Variants in PPARGC1A observed in about 807,000 individuals in gnomAD.
PPARGC1A encodes the protein PPARG coactivator 1 alpha.
A neutral mutation model predicts 88.7 loss-of-function variants in PPARGC1A; 25 were observed. The observed-to-expected ratio is 0.28, with a 90% CI of 0.21 to 0.39. PPARGC1A has a LOEUF of 0.39. PPARGC1A is among the 10% of genes least tolerant of loss of function. The pLI is 1.00. For synonymous variants in PPARGC1A, 363 were observed against 355.6 expected (o/e 1.02, Z -0.24); for missense variants, 880 against 968.7 (o/e 0.91, Z 1.22).
At chr4:24,050,648 G>A in the PPARGC1A span, among the ~76,000 whole-genome samples, 1 of 152,086 alleles carries the variant, frequency 6.6e-6, no homozygotes, top group Non-Finnish European at 1.5e-5. Flanking sequence ...TTCTTCACAT[G>A]AAGTGGCCAA....
At chr4:23,900,421 T>G (rs1719197331), upstream of PPARGC1A, among the ~76,000 whole-genome samples, 1 of 152,218 alleles carries the variant, frequency 6.6e-6, no homozygotes, top group Non-Finnish European at 1.5e-5. Context: ...CTAAACTATC[T>G]GAACCTCAAG....
the PPARGC1A span, among the ~76,000 whole-genome samples, chr4:24,043,875 T>C: frequency 2.0e-5 from 3 of 152,160 alleles, no homozygotes; most frequent in Non-Finnish European, 4.4e-5. Flanking sequence ...TGTCCTCCAC[T>C]GCCCCTACCT....
chr4:24,455,122 T>C, the PPARGC1A span, among the ~76,000 whole-genome samples: 274 of 152,232 alleles, frequency 1.8e-3, 3 homozygotes, highest in African/African-American at 6.4e-3. Context: ...CATTTGGGAA[T>C]TATAAAGTCA....
the PPARGC1A span, among the ~76,000 whole-genome samples, chr4:24,349,343 T>A: frequency 0.026 from 4,031 of 152,232 alleles, 180 homozygotes; most frequent in African/African-American, 0.092. Flanking sequence ...GGACCAGCAG[T>A]GGGCGGGGCC....
At chr4:24,116,542 A>G in the PPARGC1A span, among the ~76,000 whole-genome samples, 105,223 of 152,078 alleles carry the variant, frequency 0.69, 36,909 homozygotes, top group African/African-American at 0.81. Flanking sequence ...AGAGTGGAAG[A>G]CAGTTCCTTT....
the PPARGC1A span, among the ~76,000 whole-genome samples, chr4:24,369,956 T>A: frequency 6.6e-6 from 1 of 152,214 alleles, no homozygotes; most frequent in Non-Finnish European, 1.5e-5. Flanking sequence ...GTAAGCAATG[T>A]GCTATCTCCT....
chr4:24,455,155 G>C, the PPARGC1A span, among the ~76,000 whole-genome samples: 2 of 152,180 alleles, frequency 1.3e-5, no homozygotes, highest in Non-Finnish European at 2.9e-5. Flanking sequence ...TTTTAGCAAA[G>C]CATTGAAGGC....
At chr4:23,988,743 T>C in the PPARGC1A span, among the ~76,000 whole-genome samples, 1 of 151,156 alleles carries the variant, frequency 6.6e-6, no homozygotes, top group African/African-American at 2.4e-5. Flanking sequence ...TTTATATTTG[T>C]GTGCATATAT....
At chr4:23,799,040 A>G (rs1471742032) in intron 12 of PPARGC1A, among the ~76,000 whole-genome samples, 1 of 152,206 alleles carries the variant, frequency 6.6e-6, no homozygotes, top group Non-Finnish European at 1.5e-5. Flanking sequence ...TAGAATGATA[A>G]GTAACTTTCC....
the PPARGC1A span, among the ~76,000 whole-genome samples, chr4:24,397,937 C>A: frequency 6.6e-6 from 1 of 152,202 alleles, no homozygotes; most frequent in African/African-American, 2.4e-5. Context: ...GTGTTCACAT[C>A]CTTATATAGT....
At chr4:24,466,952 AAAAG>A in the PPARGC1A span, among the ~76,000 whole-genome samples, 4,148 of 133,554 alleles carry the variant, frequency 0.031, 166 homozygotes, top group African/African-American at 0.09. Flanking sequence ...GAAAAAGAAA[AAAAG>A]AAAGAAAGAA....
Position 23,889,888 on chromosome 4 carries a change from C to T in PPARGC1A, c.54+16G>A. 4 of 1,612,410 alleles carry T rather than the reference C, an allele frequency of 2.5e-6. No homozygotes were observed. The highest frequency in any genetic ancestry group is 2.5e-6 in the Non-Finnish European group (3 of 1,179,118). On this transcript the variant is annotated intron_variant, in intron 1 of 12. Transcript: ENST00000264867. ...CGTCAGTTGTGGCTGCAGCGCCGAG[C>T]CCTGCCCCAGCTCACCTCGATGTCA...
the PPARGC1A span, among the ~76,000 whole-genome samples, chr4:23,995,075 T>C: frequency 1.3e-5 from 2 of 152,118 alleles, no homozygotes; most frequent in Admixed American, 1.3e-4. Context: ...TCTCTTGTGG[T>C]GGCAAGTTCT....
chr4:24,257,547 G>A, the PPARGC1A span, among the ~76,000 whole-genome samples: 1 of 152,220 alleles, frequency 6.6e-6, no homozygotes, highest in South Asian at 2.1e-4. Context: ...CTTTGGGATT[G>A]CACAGTCTCC....
the PPARGC1A span, among the ~76,000 whole-genome samples, chr4:24,338,043 C>T: frequency 2.0e-5 from 3 of 152,168 alleles, no homozygotes; most frequent in African/African-American, 7.2e-5. Flanking sequence ...CAGCACTTCA[C>T]CCTGCCTAGC....
At chr4:24,375,940 T>C in the PPARGC1A span, among the ~76,000 whole-genome samples, 1 of 151,798 alleles carries the variant, frequency 6.6e-6, no homozygotes, top group East Asian at 1.9e-4. Flanking sequence ...TGACTTGCCA[T>C]ACCAAATGGT....
chr4:24,134,336 T>G, the PPARGC1A span, among the ~76,000 whole-genome samples: 1 of 152,388 alleles, frequency 6.6e-6, no homozygotes, highest in South Asian at 2.1e-4. Context: ...GTTCCTAAAC[T>G]TATTCCTTCT....
the PPARGC1A span, among the ~76,000 whole-genome samples, chr4:24,276,426 C>T: frequency 6.6e-6 from 1 of 152,202 alleles, no homozygotes; most frequent in Non-Finnish European, 1.5e-5. Context: ...TGTCTCTACA[C>T]AAGGTCTCAG....
At chr4:24,280,260 C>A in the PPARGC1A span, among the ~76,000 whole-genome samples, 1 of 152,236 alleles carries the variant, frequency 6.6e-6, no homozygotes, top group Non-Finnish European at 1.5e-5. Flanking sequence ...CCTGCTAGCT[C>A]TTCTCTCTGT....
Sources: gnomAD v4.1 joint callset for allele counts (sites outside exome capture counted in the v4.1 genomes callset) on GRCh38, gnomAD v4.1.1 for gene constraint, MANE v1.5 for transcripts, NCBI Gene and HGNC (gene_info 2026-07-23, HGNC 2026-07-21) for gene names.